DLG2: variants seen among roughly 807,000 people sequenced by gnomAD.
The protein encoded by DLG2 is discs large MAGUK scaffold protein 2, also known as disks large homolog 2.
A neutral mutation model predicts 132.5 loss-of-function variants in DLG2; 45 were observed. The observed-to-expected ratio is 0.34, with a 90% confidence interval of 0.27 to 0.44. The LOEUF (loss-of-function observed/expected upper bound fraction) is 0.44, where lower values mean the gene tolerates loss of function less well. Among genes scored for constraint, DLG2 ranks in the 20% least tolerant of loss-of-function variants. The probability of loss-of-function intolerance (pLI) is 1.00; values close to 1 mark genes in which losing one functional copy is unlikely to be tolerated. For synonymous variants in DLG2, 424 were observed against 419.6 expected (o/e 1.01, Z -0.13); for missense variants, 1,045 against 1,196.9 (o/e 0.87, Z 1.87).
rs372265200 is a variant in DLG2, at chr11:84,714,549, T to TTC, written c.358-179820_358-179819dup. Among the ~76,000 whole-genome samples, 5 of 59,182 alleles carry TTC rather than the reference T, an allele frequency of 8.4e-5. No individual in the cohort carries two copies. In the South Asian group the frequency reaches 2.2e-3, roughly 26 times the overall value. The allele number at this position is 59,182 out of a possible 152,430, so 38.8% of individuals were successfully genotyped here. A position where few individuals can be genotyped will look rare whatever the true frequency, so the allele number is the denominator to read the frequency against. ...TTCCTCTTTCTCTTTCTCTTTCTCT[T>TTC]TCTCTCTCTTTCTCTTTCTCTTTCT... On this transcript the variant is annotated intron_variant, in intron 6 of 27. Coordinates refer to ENST00000376104, the MANE Select transcript of DLG2 (RefSeq NM_001142699.3).
intron 3 of DLG2, among the ~76,000 whole-genome samples, chr11:85,505,725 T>C (rs965879316): frequency 1.3e-5 from 2 of 152,224 alleles, no homozygotes; most frequent in Non-Finnish European, 2.9e-5. Context: ...AGAACGATGC[T>C]GGCCTCATGA....
chr11:84,537,113 T>C (rs2099357415), intron 6 of DLG2, among the ~76,000 whole-genome samples: 1 of 152,158 alleles, frequency 6.6e-6, no homozygotes, highest in African/African-American at 2.4e-5. Context: ...TGAATTACTT[T>C]TTTTTTTATG....
chr11:85,598,710 G>T lies in DLG2; in HGVS notation c.-14C>A, dbSNP rs180860974. On this transcript the variant is annotated 5_prime_UTR_variant, in exon 3 of 28. Transcript: ENST00000376104. ...AAAGATACCCATCACCTTTTTAACCGCATTTTTCAACAGCTGCTCCTCTGG... is the reference window on the plus strand; with the variant it reads ...AAAGATACCCATCACCTTTTTAACCTCATTTTTCAACAGCTGCTCCTCTGG... 1,039 of 1,574,786 alleles carry T rather than the reference G, an allele frequency of 6.6e-4. 1 individual carries two copies. The highest frequency in any genetic ancestry group is 8.6e-4 in the Non-Finnish European group (1,003 of 1,162,882).
chr11:83,611,692 TA>T (rs775578268), intron 19 of DLG2, among the ~76,000 whole-genome samples: 9 of 152,246 alleles, frequency 5.9e-5, no homozygotes, highest in Non-Finnish European at 1.2e-4. Context: ...TGATTACCTC[TA>T]AAGGTTAATT....
chr11:84,099,479 T>G (rs2154179505), intron 9 of DLG2, among the ~76,000 whole-genome samples: 1 of 152,162 alleles, frequency 6.6e-6, no homozygotes, highest in East Asian at 1.9e-4. Context: ...TTCTTATTTC[T>G]GGTATTGTTG....
At chr11:84,257,840 C>T (rs978301256) in intron 7 of DLG2, among the ~76,000 whole-genome samples, 12 of 151,908 alleles carry the variant, frequency 7.9e-5, no homozygotes, top group African/African-American at 2.7e-4. Context: ...GCATGTACCA[C>T]CATGCCTGGC....
intron 22 of DLG2, among the ~76,000 whole-genome samples, chr11:83,477,037 A>ATTCTTCAAGATTCG (rs2092678001): frequency 6.6e-6 from 1 of 152,060 alleles, no homozygotes; most frequent in Non-Finnish European, 1.5e-5. Flanking sequence ...TTTCACTCAG[A>ATTCTTCAAGATTCG]TTAGTTCTTC....
intron 3 of DLG2, among the ~76,000 whole-genome samples, chr11:85,342,388 G>A (rs957783396): frequency 1.2e-4 from 19 of 152,012 alleles, no homozygotes; most frequent in African/African-American, 4.3e-4. Context: ...TATGAGGTCA[G>A]GATCATCAAT....
intron 8 of DLG2, among the ~76,000 whole-genome samples, chr11:84,220,736 A>G (rs2096900850): frequency 1.3e-5 from 2 of 151,710 alleles, no homozygotes; most frequent in African/African-American, 4.8e-5. Flanking sequence ...AAGAATTTAT[A>G]AGAGCTTAAA....
At chr11:84,326,039 C>T (rs1479140461) in intron 7 of DLG2, among the ~76,000 whole-genome samples, 2 of 151,928 alleles carry the variant, frequency 1.3e-5, no homozygotes, top group African/African-American at 4.8e-5. Flanking sequence ...CAAGTGTTCC[C>T]AGTATTCTTA....
intron 18 of DLG2, among the ~76,000 whole-genome samples, chr11:83,681,193 T>A (rs2078728297): frequency 6.6e-6 from 1 of 152,288 alleles, no homozygotes; most frequent in East Asian, 1.9e-4. Flanking sequence ...TACGTCAAGC[T>A]GTCGGTTTCC....
intron 16 of DLG2, among the ~76,000 whole-genome samples, chr11:83,840,163 T>C (rs1006056668): frequency 6.6e-6 from 1 of 152,176 alleles, no homozygotes; most frequent in Non-Finnish European, 1.5e-5. Flanking sequence ...CAGGTACATA[T>C]GATAACTTGT....
At chr11:83,698,813 C>CAA (rs2082354059) in intron 18 of DLG2, among the ~76,000 whole-genome samples, 1 of 140,400 alleles carries the variant, frequency 7.1e-6, no homozygotes, top group Non-Finnish European at 1.6e-5. Context: ...TCCTATGTTA[C>CAA]CTTCCAGAGT....
At chr11:85,584,616 T>A (rs2078846011) in intron 3 of DLG2, among the ~76,000 whole-genome samples, 1 of 152,168 alleles carries the variant, frequency 6.6e-6, no homozygotes, top group Non-Finnish European at 1.5e-5. Flanking sequence ...CTAGTCTACA[T>A]CCCCACCAGC....
intron 5 of DLG2, among the ~76,000 whole-genome samples, chr11:85,124,903 T>C (rs1015870846): frequency 9.2e-5 from 14 of 151,802 alleles, no homozygotes; most frequent in Admixed American, 8.5e-4. Flanking sequence ...CAATCTTGGC[T>C]CACTGCAAGC....
At chr11:83,664,062 C>T (rs1236906252) in intron 18 of DLG2, among the ~76,000 whole-genome samples, 1 of 152,146 alleles carries the variant, frequency 6.6e-6, no homozygotes, top group Non-Finnish European at 1.5e-5. Flanking sequence ...GAGATGATAG[C>T]TCTCTTACAG....
At chr11:84,414,155 A>T (rs2154459913) in intron 7 of DLG2, among the ~76,000 whole-genome samples, 1 of 152,336 alleles carries the variant, frequency 6.6e-6, no homozygotes, top group South Asian at 2.1e-4. Context: ...CTCGTCTGTA[A>T]CACAAGAATA....
At chr11:84,295,769 TG>T (rs527503839) in intron 7 of DLG2, among the ~76,000 whole-genome samples, 2 of 152,056 alleles carry the variant, frequency 1.3e-5, no homozygotes, top group East Asian at 1.9e-4. Flanking sequence ...GAATTCACAT[TG>T]GGGGGGTCAG....
Position 84,534,695 on chromosome 11 carries a change from G to C in DLG2, c.394C>G (p.His132Asp). ...TCGTGGGTTAGTCGAGGTAAGGAAT[G>C]ATCATGTGGAGCGTCCTCATCTTGA... ...RYQDEDAPHD[H>D]SLPRLTHEVR... The change falls in exon 7 of 28, where the codon CAT becomes GAT. Residue 132 changes from histidine (H) to aspartate (D), a missense_variant. Around this residue, in one of 4 missense-constraint regions of DLG2, gnomAD observed 277 missense variants for 238.2 expected, o/e 1.16. Coordinates refer to ENST00000376104, the MANE Select transcript of DLG2 (RefSeq NM_001142699.3). 1 of 1,614,052 alleles carries C rather than the reference G, an allele frequency of 6.2e-7. No individual in the cohort carries two copies. Among genetic ancestry groups the C allele is most frequent in the Non-Finnish European group, 8.5e-7 (1 of 1,179,950 alleles).
Sources: gnomAD v4.1 joint callset for allele counts (sites outside exome capture counted in the v4.1 genomes callset) on GRCh38, gnomAD v4.1.1 for gene constraint, gnomAD v4.1.1 regional missense constraint, MANE v1.5 for transcripts, NCBI Gene and HGNC (gene_info 2026-07-23, HGNC 2026-07-21) for gene names.